PRKCA: variants seen among roughly 807,000 people sequenced by gnomAD.
The protein encoded by PRKCA is protein kinase C alpha, also known as protein kinase C alpha type.
In PRKCA, 27 loss-of-function variants were observed where a neutral mutation model predicts 87.0. The ratio of observed to expected loss-of-function variants is 0.31; its 90% CI spans 0.23 to 0.43. The LOEUF is 0.43. Ranked by LOEUF, PRKCA falls within the 20% of genes least tolerant of loss-of-function variation. The probability of loss-of-function intolerance (pLI) is 1.00; values close to 1 mark genes in which losing one functional copy is unlikely to be tolerated. For synonymous variants in PRKCA, 329 were observed against 311.1 expected, an observed-to-expected ratio of 1.06 and a Z score of -0.61; for missense variants, 518 against 852.3, an observed-to-expected ratio of 0.61 and a Z score of 4.88.
At chr17:66,791,965 G>T (rs1881117075) in intron 16 of PRKCA, among the ~76,000 whole-genome samples, 1 of 152,224 alleles carries the variant, frequency 6.6e-6, no homozygotes, top group Non-Finnish European at 1.5e-5. Context: ...GGGTCATTTT[G>T]TTATTTCAAA....
In PRKCA at chr17:66,317,610, C is replaced by T. The variant is rs1741572809; in HGVS notation, c.205+11483C>T. On this transcript the variant is annotated intron_variant, in intron 2 of 16. Coordinates refer to ENST00000413366, the MANE Select transcript of PRKCA (RefSeq NM_002737.3). The stretch of plus-strand genomic sequence containing the variant: ...ACAGATAAGTAGCCAATCCCTTTTT[C>T]TCAACTTATCTCTTCATTTTTTTCC... 2.0e-5 allele frequency among the ~76,000 whole-genome samples: 3 copies of T among 150,788 alleles called. No individual in the cohort carries two copies. The South Asian group carries it at 6.6e-4, about 33-fold the overall frequency.
At chr17:66,322,482 A>T (rs954705262) in intron 2 of PRKCA, among the ~76,000 whole-genome samples, 15 of 152,186 alleles carry the variant, frequency 9.9e-5, no homozygotes, top group Non-Finnish European at 1.5e-4. Context: ...TTTTTTAAAG[A>T]GATGGAGTCT....
chr17:66,309,716 G>C (rs2143130058), intron 2 of PRKCA, among the ~76,000 whole-genome samples: 1 of 152,286 alleles, frequency 6.6e-6, no homozygotes, highest in Non-Finnish European at 1.5e-5. Flanking sequence ...ATTTTTGGTT[G>C]AATGTTTTTT....
chr17:66,381,813 C>T (rs974367806), intron 2 of PRKCA, among the ~76,000 whole-genome samples: 4 of 152,110 alleles, frequency 2.6e-5, no homozygotes, highest in Non-Finnish European at 5.9e-5. Context: ...TCTCTCTGAC[C>T]TGTTGTTTCC....
chr17:66,518,486 A>T (rs1055294655), intron 3 of PRKCA, among the ~76,000 whole-genome samples: 3 of 152,188 alleles, frequency 2.0e-5, no homozygotes, highest in African/African-American at 7.2e-5. Context: ...AAATAAGTAT[A>T]GTTTATTTAC....
At chr17:66,673,160 G>A (rs1972238414) in intron 5 of PRKCA, among the ~76,000 whole-genome samples, 1 of 152,074 alleles carries the variant, frequency 6.6e-6, no homozygotes, top group Admixed American at 6.6e-5. Flanking sequence ...AAAATTTTAT[G>A]TCCCACTAAT....
Position 66,366,698 on chromosome 17 carries a change from TGAGTA to T in PRKCA, c.205+60573_205+60577del, listed in dbSNP as rs1346321440. ...GGTAGAGCGAGCTATAGGTGAACTG[TGAGTA>T]GCTGGCTTGCTCTGTTGGCTGAATT... On this transcript the variant is annotated intron_variant, in intron 2 of 16. Transcript: ENST00000413366. 1.2e-4 allele frequency among the ~76,000 whole-genome samples: 18 copies of T among 152,308 alleles called. No individual in the cohort carries two copies. The East Asian group carries it at 3.5e-3, about 29-fold the overall frequency.
chr17:66,414,324 C>A (rs1912003066), intron 2 of PRKCA, among the ~76,000 whole-genome samples: 1 of 152,136 alleles, frequency 6.6e-6, no homozygotes. Flanking sequence ...TGTAGCACCT[C>A]CCTGCTCCCT....
intron 3 of PRKCA, among the ~76,000 whole-genome samples, chr17:66,595,286 G>GC (rs1490225931): frequency 6.6e-6 from 1 of 151,580 alleles, no homozygotes; most frequent in Non-Finnish European, 1.5e-5. Context: ...TTTCACCTTG[G>GC]CCCCCCAAAA....
chr17:66,357,105 A>G (rs1430501469), intron 2 of PRKCA, among the ~76,000 whole-genome samples: 2 of 152,192 alleles, frequency 1.3e-5, no homozygotes, highest in African/African-American at 4.8e-5. Context: ...TTGCAAAGAT[A>G]GTTTGATGGG....
At chr17:66,538,549 G>C (rs1048238208) in intron 3 of PRKCA, among the ~76,000 whole-genome samples, 4 of 152,218 alleles carry the variant, frequency 2.6e-5, no homozygotes, top group African/African-American at 7.2e-5. Flanking sequence ...TGCTATTTAA[G>C]AGTTGATAAA....
At chr17:66,568,573 A>T (rs1298799287) in intron 3 of PRKCA, among the ~76,000 whole-genome samples, 1 of 152,140 alleles carries the variant, frequency 6.6e-6, no homozygotes, top group South Asian at 2.1e-4. Context: ...GCTCATTCGT[A>T]TAGCTGGTGT....
chr17:66,569,136 G>C (rs959366946), intron 3 of PRKCA, among the ~76,000 whole-genome samples: 2 of 152,134 alleles, frequency 1.3e-5, no homozygotes, highest in Admixed American at 6.5e-5. Context: ...TTTGTAAACA[G>C]GATCTAAATA....
intron 3 of PRKCA, among the ~76,000 whole-genome samples, chr17:66,574,710 A>G (rs950964169): frequency 2.0e-5 from 3 of 149,234 alleles, no homozygotes; most frequent in African/African-American, 5.0e-5. Context: ...CATGAAACAG[A>G]TATTCCAAAA....
intron 2 of PRKCA, among the ~76,000 whole-genome samples, chr17:66,482,917 C>T (rs1243078081): frequency 6.6e-6 from 1 of 152,194 alleles, no homozygotes; most frequent in Non-Finnish European, 1.5e-5. Flanking sequence ...CACTTATGCT[C>T]ACCTGTAATC....
chr17:66,315,029 GTA>G lies in PRKCA; in HGVS notation c.205+8913_205+8914del, dbSNP rs375642930. Among the ~76,000 whole-genome samples, 109 of 151,610 alleles carry G rather than the reference GTA, an allele frequency of 7.2e-4. 1 individual carries two copies. The South Asian group carries it at 9.4e-3, about 13-fold the overall frequency. On this transcript the variant is annotated intron_variant, in intron 2 of 16. Transcript: ENST00000413366. ...TATGTGTGTATATATATGTGTGTGT[GTA>G]TATATATATACACCTAGCTTGTGTG...
intron 2 of PRKCA, among the ~76,000 whole-genome samples, chr17:66,370,097 G>A (rs1383530788): frequency 2.0e-5 from 3 of 152,046 alleles, no homozygotes; most frequent in Admixed American, 6.6e-5. Context: ...ACATGTGGTC[G>A]CCCTACTTGT....
intron 3 of PRKCA, among the ~76,000 whole-genome samples, chr17:66,581,808 T>C (rs1045133666): frequency 6.6e-6 from 1 of 152,174 alleles, no homozygotes; most frequent in Non-Finnish European, 1.5e-5. Context: ...TGATCTAAAT[T>C]CTCAGGATGA....
chr17:66,595,676 T>C (rs1448234474), intron 3 of PRKCA, among the ~76,000 whole-genome samples: 2 of 152,048 alleles, frequency 1.3e-5, no homozygotes, highest in African/African-American at 4.8e-5. Context: ...TTAGCTAGGA[T>C]GGTTTCAATC....
Sources: allele counts gnomAD v4.1 joint callset (sites outside exome capture counted in the v4.1 genomes callset), GRCh38; gene constraint gnomAD v4.1.1; transcripts MANE v1.5; gene names NCBI Gene and HGNC (gene_info 2026-07-23, HGNC 2026-07-21).